Variants in WBP2NL observed in about 807,000 individuals in gnomAD.
WBP2NL encodes the protein postacrosomal sheath WW domain-binding protein.
Under a neutral mutation model 23.3 loss-of-function variants are expected in WBP2NL, and 27 were observed. The ratio of observed to expected loss-of-function variants is 1.16; its 90% CI spans 0.85 to 1.60. The LOEUF (loss-of-function observed/expected upper bound fraction) is 1.60, where lower values mean the gene tolerates loss of function less well. Ranked by LOEUF, WBP2NL falls within the 40% of genes most tolerant of loss-of-function variation. The probability of loss-of-function intolerance (pLI) is 0.00; values close to 1 mark genes in which losing one functional copy is unlikely to be tolerated. For missense variants in WBP2NL, 370 were observed against 389.5 expected (o/e 0.95, Z 0.42); for synonymous variants, 151 against 145.9 (o/e 1.03, Z -0.25).
intron 8 of WBP2NL, among the ~76,000 whole-genome samples, chr22:42,043,618 C>T (rs1925478405): frequency 6.6e-6 from 1 of 152,160 alleles, no homozygotes; most frequent in African/African-American, 2.4e-5. Flanking sequence ...GGGCCAGCAA[C>T]CATTCTGGAT....
intron 1 of WBP2NL, among the ~76,000 whole-genome samples, chr22:42,003,724 C>T (rs1921937129): frequency 6.6e-6 from 1 of 152,022 alleles, no homozygotes; most frequent in Non-Finnish European, 1.5e-5. Context: ...ATTATTTTTC[C>T]ACCAAAATTA....
chr22:42,001,258 G>T (rs1304496423), intron 1 of WBP2NL: 4 of 689,918 alleles, frequency 5.8e-6, no homozygotes, highest in African/African-American at 1.8e-5. Flanking sequence ...TCATCATGTA[G>T]CAGCAAATGG....
At chr22:42,029,278 G>A (rs558381068), downstream of WBP2NL, among the ~76,000 whole-genome samples, 4 of 136,158 alleles carry the variant, frequency 2.9e-5, no homozygotes, top group South Asian at 2.5e-4. Flanking sequence ...GCAATATAGC[G>A]AGACCCTGTG....
At chr22:42,015,320 T>C (rs1923201459) in intron 1 of WBP2NL, among the ~76,000 whole-genome samples, 1 of 152,192 alleles carries the variant, frequency 6.6e-6, no homozygotes, top group African/African-American at 2.4e-5. Flanking sequence ...CAGATGGGCT[T>C]TGTGTGTGTT....
intron 1 of WBP2NL, among the ~76,000 whole-genome samples, chr22:42,019,091 G>A (rs768337190): frequency 7.9e-5 from 12 of 151,730 alleles, no homozygotes; most frequent in Non-Finnish European, 1.3e-4. Context: ...CATGGTGGCG[G>A]GCGCCTGTAG....
intron 1 of WBP2NL, among the ~76,000 whole-genome samples, chr22:42,014,627 T>C (rs1306566206): frequency 6.6e-6 from 1 of 152,180 alleles, no homozygotes; most frequent in Non-Finnish European, 1.5e-5. Context: ...TTTCTTAGAC[T>C]TCGTTCATTT....
chr22:42,020,036 G>C lies in WBP2NL; in HGVS notation c.346G>C (p.Val116Leu). 1 of 1,614,088 alleles carries C rather than the reference G, an allele frequency of 6.2e-7. No homozygotes were observed. Among genetic ancestry groups the C allele is most frequent in the Non-Finnish European group, 8.5e-7 (1 of 1,180,026 alleles). ...GWEGQATFKL[V>L]FRNGDAIEFA... ...GGAAGGACAAGCTACTTTTAAATTA[G>C]TCTTCAGAAATGGAGATGCCATTGA... Residue 116 changes from valine (V) to leucine (L), a missense_variant, in exon 4 of 6, where the codon GTC becomes CTC. Coordinates refer to ENST00000328823, the MANE Select transcript of WBP2NL (RefSeq NM_152613.3).
At chr22:42,017,243 G>A (rs1001866718) in intron 1 of WBP2NL, among the ~76,000 whole-genome samples, 1 of 152,148 alleles carries the variant, frequency 6.6e-6, no homozygotes, top group African/African-American at 2.4e-5. Context: ...AGCCTTCCGA[G>A]TAGCTGAGAT....
At chr22:42,019,587 T>G in intron 2 of WBP2NL, 75 bp from the exon 3 acceptor site, 1 of 1,590,712 alleles carries the variant, frequency 6.3e-7, no homozygotes, top group Non-Finnish European at 8.6e-7. Flanking sequence ...TAGACCAGAA[T>G]GCACCTTGCT....
At chr22:42,007,085 A>G (rs1469580260) in intron 1 of WBP2NL, among the ~76,000 whole-genome samples, 1 of 152,210 alleles carries the variant, frequency 6.6e-6, no homozygotes, top group Non-Finnish European at 1.5e-5. Context: ...ACTGCTTTAT[A>G]ACTTATTTTC....
At chr22:42,053,875 A>G (rs537602037) in intron 8 of WBP2NL, among the ~76,000 whole-genome samples, 27 of 152,238 alleles carry the variant, frequency 1.8e-4, no homozygotes, top group Admixed American at 4.6e-4. Flanking sequence ...TAAGTTGTAT[A>G]TATCTGGATA....
downstream of WBP2NL, among the ~76,000 whole-genome samples, chr22:42,037,128 T>TTGTGTGTGTG (rs3045493): frequency 0.016 from 2,380 of 148,158 alleles, 35 homozygotes; most frequent in South Asian, 0.029. Flanking sequence ...CAGATTTCAT[T>TTGTGTGTGTG]TGTGTGTGTG....
chr22:42,007,015 G>A (rs2146760782), intron 1 of WBP2NL, among the ~76,000 whole-genome samples: 1 of 152,208 alleles, frequency 6.6e-6, no homozygotes, highest in South Asian at 2.1e-4. Flanking sequence ...AGTAATGTTT[G>A]CATTTTGGTA....
At chr22:42,003,577 A>T (rs1047798429) in intron 1 of WBP2NL, 2 of 152,216 alleles carry the variant, frequency 1.3e-5, no homozygotes, top group African/African-American at 4.8e-5. Context: ...GCAAGTTTGT[A>T]CTTTGTATAC....
chr22:42,047,645 A>G (rs1278784905), intron 8 of WBP2NL, among the ~76,000 whole-genome samples: 2 of 141,220 alleles, frequency 1.4e-5, no homozygotes, highest in African/African-American at 2.6e-5. Flanking sequence ...TTTTTGAGAC[A>G]GAGTCTCACT....
At position 42,019,430 on chromosome 22, in the gene WBP2NL, C is replaced by T; in HGVS notation, c.171+11C>T. 6.2e-7 allele frequency: 1 copy of T among 1,607,838 alleles called. No homozygotes were observed. Among genetic ancestry groups the T allele is most frequent in the South Asian group, 1.1e-5 (1 of 89,964 alleles). Reference sequence around the variant, plus strand: ...CTCACTTCATACCGGGTAATTTCTACTTCTACTTTAATCTGCTGATTAACT... The same window carrying T: ...CTCACTTCATACCGGGTAATTTCTATTTCTACTTTAATCTGCTGATTAACT... On this transcript the variant is annotated intron_variant, in intron 2 of 5. Coordinates refer to ENST00000328823, the MANE Select transcript of WBP2NL (RefSeq NM_152613.3).
At chr22:42,018,756 A>G (rs1923583082) in intron 1 of WBP2NL, among the ~76,000 whole-genome samples, 1 of 152,168 alleles carries the variant, frequency 6.6e-6, no homozygotes, top group Non-Finnish European at 1.5e-5. Context: ...GAATAGGAGT[A>G]GGTTTGACAA....
intron 4 of WBP2NL, among the ~76,000 whole-genome samples, chr22:42,020,868 GTATATATATATA>G (rs1335645142): frequency 5.1e-3 from 78 of 15,222 alleles, no homozygotes; most frequent in Non-Finnish European, 6.6e-3. Context: ...GTGTGTGTGT[GTATATATATATA>G]TATATATATA....
At chr22:42,047,770 T>C (rs141990080) in intron 8 of WBP2NL, among the ~76,000 whole-genome samples, 7 of 141,252 alleles carry the variant, frequency 5.0e-5, no homozygotes, top group African/African-American at 1.3e-4. Flanking sequence ...TATAGGCGCA[T>C]GCCACCACAC....
Sources: allele counts gnomAD v4.1 joint callset (sites outside exome capture counted in the v4.1 genomes callset), GRCh38; gene constraint gnomAD v4.1.1; transcripts MANE v1.5; gene names NCBI Gene and HGNC (gene_info 2026-07-23, HGNC 2026-07-21).